ATG10: variants seen among roughly 807,000 people sequenced by gnomAD.
ATG10 encodes the protein ubiquitin-like-conjugating enzyme ATG10.
A neutral mutation model predicts 32.1 loss-of-function variants in ATG10; 30 were observed. That is an observed-to-expected ratio of 0.94 (90% CI 0.70 to 1.27). The LOEUF (loss-of-function observed/expected upper bound fraction) is 1.27. Among genes scored for constraint, ATG10 ranks in the 50% most tolerant of loss-of-function variants. The pLI is 0.00. For synonymous variants in ATG10, 87 were observed against 91.5 expected (o/e 0.95, Z 0.28); for missense variants, 233 against 262.3 (o/e 0.89, Z 0.77).
At chr5:82,241,348 C>T (rs928121838) in intron 5 of ATG10, among the ~76,000 whole-genome samples, 3 of 152,140 alleles carry the variant, frequency 2.0e-5, no homozygotes, top group Non-Finnish European at 4.4e-5. Flanking sequence ...TCCCTCTTGC[C>T]CTTTTACAAT....
intron 5 of ATG10, among the ~76,000 whole-genome samples, chr5:82,214,304 T>C (rs1745595047): frequency 1.3e-5 from 2 of 152,202 alleles, no homozygotes; most frequent in Admixed American, 6.5e-5. Flanking sequence ...TGCCACAAAA[T>C]CTGTGAATAG....
chr5:82,225,713 A>G (rs565386406), intron 5 of ATG10, among the ~76,000 whole-genome samples: 56 of 152,174 alleles, frequency 3.7e-4, no homozygotes, highest in African/African-American at 1.2e-3. Context: ...CAGGTACATT[A>G]AGGAGTGTCT....
At chr5:82,099,459 C>A (rs1246756166) in intron 3 of ATG10, among the ~76,000 whole-genome samples, 1 of 151,642 alleles carries the variant, frequency 6.6e-6, no homozygotes, top group African/African-American at 2.4e-5. Flanking sequence ...ATTTTTTAAT[C>A]AATAGAATTA....
rs540706995 is a variant in ATG10 at position 82,109,595 on chromosome 5, ATCACTATTTTTTATAATGATATATGT to A, written c.216+51001_216+51026del. 7.9e-5 allele frequency among the ~76,000 whole-genome samples: 12 copies of A among 151,954 alleles called. No homozygotes were observed. The South Asian group carries it at 2.5e-3, about 32-fold the overall frequency. ...ATTTGATTTTTTATGAGAGAAAAAAATCACTATTTTTTATAATGATATATGTTCACTATAAAAAATTCAAATGCAAA... is the reference window on the plus strand; with the variant it reads ...ATTTGATTTTTTATGAGAGAAAAAAATCACTATAAAAAATTCAAATGCAAA... On this transcript the variant is annotated intron_variant, in intron 3 of 7. Coordinates refer to ENST00000282185, the MANE Select transcript of ATG10 (RefSeq NM_031482.5).
intron 3 of ATG10, among the ~76,000 whole-genome samples, chr5:82,091,081 T>C (rs1352327341): frequency 6.6e-6 from 1 of 152,188 alleles, no homozygotes; most frequent in African/African-American, 2.4e-5. Flanking sequence ...CTGACAGAAA[T>C]GAATTTCTAC....
intron 3 of ATG10, among the ~76,000 whole-genome samples, chr5:82,148,959 A>T (rs1054774876): frequency 2.0e-5 from 3 of 151,892 alleles, no homozygotes; most frequent in African/African-American, 7.3e-5. Flanking sequence ...CTCTGGCCTT[A>T]TCTTCTTTCC....
chr5:81,987,657 T>C lies in ATG10; in HGVS notation c.87T>C (p.Ser29=), dbSNP rs185495405. ...AACATTCACAACAGATAGGTGATAGTTGGGAATGGAGACCATCAAAGGTAA... is the reference window on the plus strand; with the variant it reads ...AACATTCACAACAGATAGGTGATAGCTGGGAATGGAGACCATCAAAGGTAA... ...FIKHSQQIGD[S]WEWRPSKDCS... Residue 29 remains serine (S), a synonymous_variant, in exon 2 of 8, where the codon AGT becomes AGC. Coordinates refer to ENST00000282185, the MANE Select transcript of ATG10 (RefSeq NM_031482.5). The C allele has an allele frequency of 2.3e-5, 37 of 1,610,592 alleles. No homozygotes were observed. The highest frequency in any genetic ancestry group is 4.5e-5 in the East Asian group (2 of 44,784).
At chr5:82,043,799 C>T (rs1763157291) in intron 2 of ATG10, among the ~76,000 whole-genome samples, 1 of 152,142 alleles carries the variant, frequency 6.6e-6, no homozygotes. Context: ...CAGTAAGTAC[C>T]TCATCTCCAG....
chr5:82,232,146 C>T (rs568811818), intron 5 of ATG10, among the ~76,000 whole-genome samples: 13 of 152,114 alleles, frequency 8.5e-5, no homozygotes, highest in East Asian at 3.9e-4. Context: ...AGGGGTGTGC[C>T]GCAACACACC....
chr5:82,058,821 C>G (rs147595059), intron 3 of ATG10, among the ~76,000 whole-genome samples: 12 of 152,200 alleles, frequency 7.9e-5, no homozygotes, highest in African/African-American at 2.9e-4. Context: ...GATCCTGGGC[C>G]TGTTGTAGGG....
intron 2 of ATG10, among the ~76,000 whole-genome samples, chr5:82,049,852 T>G (rs964467789): frequency 6.6e-6 from 1 of 152,168 alleles, no homozygotes; most frequent in African/African-American, 2.4e-5. Flanking sequence ...TTTAATGAAG[T>G]TTTCTTACTC....
At chr5:81,993,359 C>CTTT (rs756251958) in intron 2 of ATG10, among the ~76,000 whole-genome samples, 11,393 of 54,156 alleles carry the variant, frequency 0.21, 2,508 homozygotes, top group Middle Eastern at 0.31. Context: ...TTCTTTCTTT[C>CTTT]CTTCTTTTCT....
intron 2 of ATG10, among the ~76,000 whole-genome samples, chr5:81,990,162 TA>T: frequency 6.6e-6 from 1 of 152,318 alleles, no homozygotes; most frequent in East Asian, 1.9e-4. Context: ...GTGATGATGA[TA>T]AATCTTGCCT....
chr5:82,044,105 A>T (rs1355557036), intron 2 of ATG10, among the ~76,000 whole-genome samples: 2 of 152,116 alleles, frequency 1.3e-5, no homozygotes, highest in Non-Finnish European at 2.9e-5. Context: ...AATGAGGCTT[A>T]ATTGACTCAC....
At chr5:82,121,132 A>C (rs1292938547) in intron 3 of ATG10, among the ~76,000 whole-genome samples, 1 of 152,142 alleles carries the variant, frequency 6.6e-6, no homozygotes, top group African/African-American at 2.4e-5. Flanking sequence ...TTTATAGTTA[A>C]TTCTTCAGTT....
intron 3 of ATG10, among the ~76,000 whole-genome samples, chr5:82,076,672 A>G (rs978925570): frequency 4.6e-5 from 7 of 152,236 alleles, no homozygotes; most frequent in Non-Finnish European, 4.4e-5. Context: ...CAGAGAGCTT[A>G]GTAAATGTAA....
chr5:82,045,766 A>G (rs1763217277), intron 2 of ATG10, among the ~76,000 whole-genome samples: 1 of 151,196 alleles, frequency 6.6e-6, no homozygotes, highest in East Asian at 2.0e-4. Flanking sequence ...AGTGGATTCT[A>G]TCCTCCCTCT....
intron 5 of ATG10, among the ~76,000 whole-genome samples, chr5:82,195,756 T>C (rs1190002524): frequency 1.3e-5 from 2 of 152,216 alleles, no homozygotes; most frequent in African/African-American, 4.8e-5. Context: ...ATAATAGATA[T>C]ATGACATTTT....
intron 3 of ATG10, among the ~76,000 whole-genome samples, chr5:82,150,236 T>C (rs77225127): frequency 7.0e-6 from 1 of 143,798 alleles, no homozygotes; most frequent in African/African-American, 2.5e-5. Flanking sequence ...TCTGGAGTTG[T>C]TTTTTTTTTT....
Sources: allele counts gnomAD v4.1 joint callset (sites outside exome capture counted in the v4.1 genomes callset), GRCh38; gene constraint gnomAD v4.1.1; transcripts MANE v1.5; gene names NCBI Gene and HGNC (gene_info 2026-07-23, HGNC 2026-07-21).